ST3GAL3: variants seen among roughly 807,000 people sequenced by gnomAD.
ST3GAL3 encodes the protein ST3 beta-galactoside alpha-2,3-sialyltransferase 3.
In ST3GAL3, 21 loss-of-function variants were observed where a neutral mutation model predicts 50.1. That is an observed-to-expected ratio of 0.42 (90% CI 0.30 to 0.60). The LOEUF is 0.60. Among genes scored for constraint, ST3GAL3 ranks in the 20% least tolerant of loss-of-function variants. The pLI is 0.19. For synonymous variants in ST3GAL3, 183 were observed against 190.0 expected (o/e 0.96, Z 0.30); for missense variants, 353 against 489.4 (o/e 0.72, Z 2.63).
At chr1:43,925,802 G>A (rs747049462) in intron 11 of ST3GAL3, among the ~76,000 whole-genome samples, 15 of 152,210 alleles carry the variant, frequency 9.9e-5, no homozygotes, top group Non-Finnish European at 1.3e-4. Flanking sequence ...GTGCCACATC[G>A]TGGAGGCCAA....
intron 5 of ST3GAL3, among the ~76,000 whole-genome samples, chr1:43,862,678 C>T (rs1570034659): frequency 6.9e-6 from 1 of 144,390 alleles, no homozygotes; most frequent in South Asian, 2.2e-4. Context: ...GAGGCTGAGG[C>T]GGGAGGATCA....
At chr1:43,879,971 T>C (rs187494831) in intron 5 of ST3GAL3, among the ~76,000 whole-genome samples, 1 of 152,336 alleles carries the variant, frequency 6.6e-6, no homozygotes, top group East Asian at 1.9e-4. Context: ...AAACACAGCC[T>C]TGGCGCTACT....
chr1:43,807,526 G>A (rs12126352), intron 3 of ST3GAL3, among the ~76,000 whole-genome samples: 57,198 of 152,076 alleles, frequency 0.38, 11,413 homozygotes, highest in East Asian at 0.59. Flanking sequence ...TCTGAGAACA[G>A]TAGAATCCAA....
At chr1:43,736,653 C>T in intron 2 of ST3GAL3, 1 of 541,262 alleles carries the variant, frequency 1.8e-6, no homozygotes. Flanking sequence ...AAACTATACT[C>T]ATACTTCTAG....
intron 5 of ST3GAL3, among the ~76,000 whole-genome samples, chr1:43,881,258 G>A (rs757076881): frequency 1.3e-5 from 2 of 152,144 alleles, no homozygotes; most frequent in Non-Finnish European, 2.9e-5. Context: ...TGATCCACCC[G>A]CCTCAGCCTC....
intron 2 of ST3GAL3, among the ~76,000 whole-genome samples, chr1:43,742,268 A>G (rs1681261734): frequency 6.6e-6 from 1 of 152,268 alleles, no homozygotes; most frequent in Admixed American, 6.5e-5. Flanking sequence ...GCCATGCCTT[A>G]TGAATAAAGA....
At chr1:43,886,502 A>G (rs564486698) in intron 5 of ST3GAL3, among the ~76,000 whole-genome samples, 1 of 152,218 alleles carries the variant, frequency 6.6e-6, no homozygotes, top group Non-Finnish European at 1.5e-5. Flanking sequence ...TACAATTATT[A>G]TGTGCCTATT....
At chr1:43,759,649 T>C (rs1689555331) in intron 2 of ST3GAL3, among the ~76,000 whole-genome samples, 1 of 152,198 alleles carries the variant, frequency 6.6e-6, no homozygotes, top group African/African-American at 2.4e-5. Flanking sequence ...TGTTGCACTG[T>C]GTTGGCATCT....
At chr1:43,898,937 T>C in intron 7 of ST3GAL3, 1 of 591,650 alleles carries the variant, frequency 1.7e-6, no homozygotes, top group Middle Eastern at 4.6e-4. Context: ...ATGGCCCTGT[T>C]TTCCTGGGGA....
At chr1:43,728,782 A>G (rs1351364073) in intron 1 of ST3GAL3, among the ~76,000 whole-genome samples, 1 of 152,120 alleles carries the variant, frequency 6.6e-6, no homozygotes. Context: ...AAATGTACAC[A>G]CACTATCCTC....
chr1:43,895,775 G>C (rs1175131704), intron 6 of ST3GAL3, among the ~76,000 whole-genome samples: 2 of 152,130 alleles, frequency 1.3e-5, no homozygotes, highest in Non-Finnish European at 2.9e-5. Flanking sequence ...CCTTTTCCCT[G>C]GGTGCAGGCA....
At chr1:43,917,452 TATATAATATATATA>T (rs1477935133) in intron 9 of ST3GAL3, among the ~76,000 whole-genome samples, 44 of 23,142 alleles carry the variant, frequency 1.9e-3, no homozygotes, top group African/African-American at 2.8e-3. Context: ...TAATATATAA[TATATAATATATATA>T]ATATATAATA....
chr1:43,710,848 C>T (rs770536488), intron 1 of ST3GAL3, among the ~76,000 whole-genome samples: 18 of 152,134 alleles, frequency 1.2e-4, no homozygotes, highest in Non-Finnish European at 4.4e-5. Flanking sequence ...TTTAAACCAC[C>T]ATAACATTAG....
intron 11 of ST3GAL3, among the ~76,000 whole-genome samples, chr1:43,925,735 C>T (rs1030881476): frequency 2.0e-5 from 3 of 152,062 alleles, no homozygotes; most frequent in African/African-American, 7.3e-5. Context: ...GATTGAATGC[C>T]GGGGATATGG....
intron 3 of ST3GAL3, among the ~76,000 whole-genome samples, chr1:43,795,055 C>T (rs576545192): frequency 5.3e-5 from 8 of 152,240 alleles, no homozygotes; most frequent in African/African-American, 1.9e-4. Context: ...GTCCATTTTA[C>T]AGTAACTCAC....
chr1:43,802,544 G>A (rs1573142723), intron 3 of ST3GAL3, among the ~76,000 whole-genome samples: 1 of 152,210 alleles, frequency 6.6e-6, no homozygotes, highest in Non-Finnish European at 1.5e-5. Flanking sequence ...CATAAGCAGC[G>A]ATACTACCCA....
At chr1:43,797,724 A>G (rs892933286) in intron 3 of ST3GAL3, among the ~76,000 whole-genome samples, 1 of 152,194 alleles carries the variant, frequency 6.6e-6, no homozygotes, top group African/African-American at 2.4e-5. Context: ...ATCAGGAAAT[A>G]CTTCTGGAAG....
chr1:43,747,051 C>T lies in ST3GAL3; in HGVS notation c.118+10671C>T, dbSNP rs184660929. Among the ~76,000 whole-genome samples the T allele has an allele frequency of 2.8e-4, 42 of 151,556 alleles. 1 individual carries two copies. In the South Asian group the frequency reaches 4.9e-3, roughly 18 times the overall value. Reference sequence around the variant, plus strand: ...GAAGTGCGAGGATTACAGGCGTGAGCCACTGCGCCTGGCCTAAAATGGTAA... The same window carrying T: ...GAAGTGCGAGGATTACAGGCGTGAGTCACTGCGCCTGGCCTAAAATGGTAA... On this transcript the variant is annotated intron_variant, in intron 2 of 11. Transcript: ENST00000347631.
At chr1:43,780,389 G>A (rs975388032) in intron 2 of ST3GAL3, among the ~76,000 whole-genome samples, 16 of 151,936 alleles carry the variant, frequency 1.1e-4, no homozygotes, top group Non-Finnish European at 2.2e-4. Flanking sequence ...CTTGATGGAG[G>A]GCTGTTTTCA....
Sources: allele counts gnomAD v4.1 joint callset (sites outside exome capture counted in the v4.1 genomes callset), GRCh38; gene constraint gnomAD v4.1.1; transcripts MANE v1.5; gene names NCBI Gene and HGNC (gene_info 2026-07-23, HGNC 2026-07-21).